TNIK: variants seen among roughly 807,000 people sequenced by gnomAD.
TNIK encodes TRAF2 and NCK interacting kinase.
A neutral mutation model predicts 191.3 loss-of-function variants in TNIK; 49 were observed. The observed-to-expected ratio is 0.26, with a 90% CI of 0.20 to 0.32. TNIK has a LOEUF of 0.32. TNIK is among the 10% of genes least tolerant of loss of function. The pLI is 1.00. For synonymous variants in TNIK, 594 were observed against 600.9 expected (o/e 0.99, Z 0.17); for missense variants, 1,155 against 1,702.3 (o/e 0.68, Z 5.66).
At chr3:171,248,425 G>A (rs951236540) in intron 2 of TNIK, among the ~76,000 whole-genome samples, 2 of 152,212 alleles carry the variant, frequency 1.3e-5, no homozygotes, top group Non-Finnish European at 2.9e-5. Flanking sequence ...GGGTCTGCAA[G>A]GTGGATATTA....
chr3:171,312,199 T>C (rs1754115488), intron 2 of TNIK, among the ~76,000 whole-genome samples: 1 of 146,292 alleles, frequency 6.8e-6, no homozygotes, highest in Admixed American at 6.9e-5. Context: ...ATATAATAAG[T>C]TTAAAATATG....
At chr3:171,365,201 A>T (rs1421752015) in intron 2 of TNIK, among the ~76,000 whole-genome samples, 3 of 25,262 alleles carry the variant, frequency 1.2e-4, no homozygotes, top group African/African-American at 1.0e-4. Context: ...TTTTTTTTTG[A>T]GACAGAGTTT....
intron 15 of TNIK, among the ~76,000 whole-genome samples, chr3:171,134,296 T>G (rs555706658): frequency 6.6e-6 from 1 of 152,308 alleles, no homozygotes; most frequent in Non-Finnish European, 1.5e-5. Flanking sequence ...TTTATTTATG[T>G]ATTTATTTGA....
intron 18 of TNIK, among the ~76,000 whole-genome samples, chr3:171,116,158 T>C (rs1009209683): frequency 1.3e-5 from 2 of 152,222 alleles, no homozygotes; most frequent in Non-Finnish European, 2.9e-5. Flanking sequence ...AAAACATGAG[T>C]AGTTTGAGAA....
chr3:171,226,882 G>A (rs1264163682), intron 3 of TNIK, among the ~76,000 whole-genome samples: 2 of 152,138 alleles, frequency 1.3e-5, no homozygotes, highest in Admixed American at 1.3e-4. Flanking sequence ...AGGTAACAAA[G>A]TGAGCCCAAA....
At chr3:171,383,339 T>A (rs558987074) in intron 1 of TNIK, among the ~76,000 whole-genome samples, 11 of 152,340 alleles carry the variant, frequency 7.2e-5, no homozygotes, top group African/African-American at 1.4e-4. Flanking sequence ...ACTGCTCTTT[T>A]TTGAGTGTCT....
intron 2 of TNIK, among the ~76,000 whole-genome samples, chr3:171,264,087 C>A (rs1560340603): frequency 9.9e-6 from 1 of 101,058 alleles, no homozygotes. Flanking sequence ...CACACACACA[C>A]ACACACACAC....
chr3:171,218,799 A>G (rs1361847013), intron 3 of TNIK, among the ~76,000 whole-genome samples: 1 of 141,452 alleles, frequency 7.1e-6, no homozygotes, highest in African/African-American at 2.6e-5. Context: ...TTTACATATT[A>G]TATATTAAAT....
rs528671175 is a variant in TNIK at position 171,291,581 on chromosome 3, C to T, written c.124-63360G>A. On this transcript the variant is annotated intron_variant, in intron 2 of 32. Transcript: ENST00000436636. ...AGATACTGTTAAACTCTCTGCTGGC[C>T]TTCATAGCTCCAGATGCGTGTCCAT... Among the ~76,000 whole-genome samples, 4 of 152,306 alleles carry T rather than the reference C, an allele frequency of 2.6e-5. No individual in the cohort carries two copies. The South Asian group carries it at 6.2e-4, about 24-fold the overall frequency.
intron 2 of TNIK, among the ~76,000 whole-genome samples, chr3:171,238,263 A>G (rs573662635): frequency 3.3e-5 from 5 of 152,210 alleles, no homozygotes; most frequent in African/African-American, 1.2e-4. Flanking sequence ...ATTGAATTTT[A>G]TGATTGTGCC....
At chr3:171,066,486 TGTGGAATCAAATGGTTG>T (rs1718447106) in intron 31 of TNIK, 73 bp downstream of exon 31, 2 of 1,459,082 alleles carry the variant, frequency 1.4e-6, no homozygotes, top group Non-Finnish European at 1.9e-6. Context: ...TTTTTTTTTT[TGTGGAATCAAATGGTTG>T]TTTCACATTT....
At chr3:171,200,012 C>A (rs547844457) in intron 4 of TNIK, among the ~76,000 whole-genome samples, 1 of 152,274 alleles carries the variant, frequency 6.6e-6, no homozygotes, top group Non-Finnish European at 1.5e-5. Context: ...TTTTCTAAAA[C>A]CTCTATTAAT....
intron 2 of TNIK, among the ~76,000 whole-genome samples, chr3:171,310,937 G>C (rs1753953055): frequency 6.6e-6 from 1 of 152,084 alleles, no homozygotes. Context: ...TGAAACATGT[G>C]CTTCCCAGTT....
chr3:171,155,564 G>A (rs1733060649), intron 12 of TNIK, among the ~76,000 whole-genome samples: 1 of 152,224 alleles, frequency 6.6e-6, no homozygotes. Flanking sequence ...GGATTGACAG[G>A]GTGTGTCTCT....
chr3:171,078,237 CT>C (rs1327401162), intron 28 of TNIK, among the ~76,000 whole-genome samples: 2 of 151,944 alleles, frequency 1.3e-5, no homozygotes, highest in Non-Finnish European at 2.9e-5. Flanking sequence ...TTCTAGATAC[CT>C]TTCTTATATT....
intron 4 of TNIK, among the ~76,000 whole-genome samples, chr3:171,197,045 C>T (rs1041315154): frequency 1.3e-5 from 2 of 152,160 alleles, no homozygotes; most frequent in East Asian, 3.8e-4. Context: ...GTTGAGCCAC[C>T]ACACCTGGCC....
intron 18 of TNIK, among the ~76,000 whole-genome samples, chr3:171,118,278 G>A (rs149908960): frequency 0.05 from 7,538 of 152,208 alleles, 597 homozygotes; most frequent in African/African-American, 0.17. Flanking sequence ...ACTGCTCAAC[G>A]AAATAAAAGA....
chr3:171,190,778 G>A lies in TNIK; in HGVS notation c.427C>T (p.His143Tyr). The stretch of plus-strand genomic sequence containing the variant: ...TGAATCACTTTATGCTGGTGCAGGT[G>A]ACTCAGCCCCTGGAGTGATGGAGAG... ...ICREILRGLS[H>Y]LHQHKVIHRD... The change falls in exon 6 of 33, where the codon CAC (histidine) becomes TAC (tyrosine). Residue 143 changes from histidine to tyrosine, a missense_variant. Transcript: ENST00000436636. 1 of 1,591,680 alleles carries A rather than the reference G, an allele frequency of 6.3e-7. No homozygotes were observed. Among genetic ancestry groups the A allele is most frequent in the Non-Finnish European group, 8.6e-7 (1 of 1,167,700 alleles).
At position 171,192,216 on chromosome 3, in the gene TNIK, G is replaced by A. The variant is rs1193317885; in HGVS notation, c.418-1429C>T. ...TTCTTATCTGTTCAGTTTGTCACAGGGTAGGCATCAGGGGTTTAAATGTGT... is the reference window on the plus strand; with the variant it reads ...TTCTTATCTGTTCAGTTTGTCACAGAGTAGGCATCAGGGGTTTAAATGTGT... On this transcript the variant is annotated intron_variant, in intron 5 of 32. Coordinates refer to ENST00000436636, the MANE Select transcript of TNIK (RefSeq NM_015028.4). 2.0e-5 allele frequency among the ~76,000 whole-genome samples: 3 copies of A among 152,158 alleles called. No homozygotes were observed. The East Asian group carries it at 5.8e-4, about 29-fold the overall frequency.
Sources: gnomAD v4.1 joint callset for allele counts (sites outside exome capture counted in the v4.1 genomes callset) on GRCh38, gnomAD v4.1.1 for gene constraint, MANE v1.5 for transcripts, NCBI Gene and HGNC (gene_info 2026-07-23, HGNC 2026-07-21) for gene names.